GPM6A: variants seen among roughly 807,000 people sequenced by gnomAD.
GPM6A encodes neuronal membrane glycoprotein M6-a.
Under a neutral mutation model 32.1 loss-of-function variants are expected in GPM6A, and 7 were observed. The observed-to-expected ratio is 0.22, with a 90% CI of 0.12 to 0.41. GPM6A has a LOEUF of 0.41. Ranked by LOEUF, GPM6A falls within the 10% of genes least tolerant of loss-of-function variation. GPM6A has a pLI of 1.00. For missense variants in GPM6A, 235 were observed against 347.2 expected (o/e 0.68, Z 2.57); for synonymous variants, 130 against 123.4 (o/e 1.05, Z -0.35).
At chr4:175,708,965 T>C (rs185794184) in intron 1 of GPM6A, among the ~76,000 whole-genome samples, 336 of 152,284 alleles carry the variant, frequency 2.2e-3, no homozygotes, top group African/African-American at 7.6e-3. Flanking sequence ...TCCACTTGTG[T>C]ACTTTATGGG....
intron 1 of GPM6A, among the ~76,000 whole-genome samples, chr4:175,730,354 T>C (rs1731363056): frequency 6.6e-6 from 1 of 152,098 alleles, no homozygotes; most frequent in South Asian, 2.1e-4. Flanking sequence ...GCAATTCGCC[T>C]GCCTCAGCCT....
At chr4:175,835,087 T>C (rs974346878) in intron 1 of GPM6A, among the ~76,000 whole-genome samples, 2 of 152,176 alleles carry the variant, frequency 1.3e-5, no homozygotes, top group African/African-American at 4.8e-5. Context: ...CCAGATTATC[T>C]TGGGCGCTTG....
chr4:175,976,591 T>C lies in GPM6A; in HGVS notation c.-23+25718A>G, dbSNP rs368581866. 5.3e-5 allele frequency among the ~76,000 whole-genome samples: 8 copies of C among 152,190 alleles called. No individual in the cohort carries two copies. The East Asian group carries it at 9.6e-4, about 18-fold the overall frequency. ...GGTTCAGAACCAACGGTAGGGACCA[T>C]GCATACTCATTAAGTGAAGGTCTAC... On this transcript the variant is annotated intron_variant, in intron 1 of 7. Transcript: ENST00000280187.
intron 1 of GPM6A, among the ~76,000 whole-genome samples, chr4:175,859,166 G>A (rs1304929475): frequency 6.6e-6 from 1 of 152,106 alleles, no homozygotes; most frequent in Admixed American, 6.5e-5. Context: ...TGTGGTTATG[G>A]TTTCATGGAT....
At chr4:175,867,074 G>A (rs1262642317) in intron 1 of GPM6A, among the ~76,000 whole-genome samples, 1 of 152,102 alleles carries the variant, frequency 6.6e-6, no homozygotes, top group African/African-American at 2.4e-5. Context: ...GGTCTGTTAA[G>A]GTCTTTGGCC....
intron 1 of GPM6A, among the ~76,000 whole-genome samples, chr4:175,947,457 A>G (rs2126363565): frequency 6.6e-6 from 1 of 152,184 alleles, no homozygotes; most frequent in Non-Finnish European, 1.5e-5. Context: ...TAAGAATAAT[A>G]TTTATTAAGT....
intron 4 of GPM6A, among the ~76,000 whole-genome samples, chr4:175,644,483 A>G (rs1741341534): frequency 6.6e-6 from 1 of 151,704 alleles, no homozygotes; most frequent in Non-Finnish European, 1.5e-5. Context: ...TTTTTGTGAT[A>G]AGTATACCAT....
intron 1 of GPM6A, chr4:175,962,453 G>C: frequency 1.5e-6 from 1 of 666,894 alleles, no homozygotes; most frequent in African/African-American, 1.8e-5. Flanking sequence ...GGACAATAAG[G>C]CAACCTTTTT....
chr4:175,877,702 G>A (rs902400800), intron 1 of GPM6A, among the ~76,000 whole-genome samples: 1 of 152,082 alleles, frequency 6.6e-6, no homozygotes, highest in Admixed American at 6.5e-5. Context: ...GTGAGATTTG[G>A]GTGGGGACAC....
rs567660429 is a variant in GPM6A, at chr4:175,824,807, A to T, written c.-22-12558T>A. On this transcript the variant is annotated intron_variant, in intron 1 of 7. Transcript: ENST00000280187. ...TGAGAGTAAGTGGTATTTCTATTTT[A>T]CAGGGTATAAGTCTGAAATTTAGAC... 2.6e-5 allele frequency among the ~76,000 whole-genome samples: 4 copies of T among 152,278 alleles called. No homozygotes were observed. The South Asian group carries it at 8.3e-4, about 32-fold the overall frequency.
chr4:175,870,216 TAAA>T (rs1335392117), intron 1 of GPM6A, among the ~76,000 whole-genome samples: 1 of 152,196 alleles, frequency 6.6e-6, no homozygotes, highest in East Asian at 1.9e-4. Context: ...AACTTCACTT[TAAA>T]ATACAAGATC....
chr4:175,836,631 AG>A (rs1560957972), intron 1 of GPM6A, among the ~76,000 whole-genome samples: 2 of 152,212 alleles, frequency 1.3e-5, no homozygotes, highest in African/African-American at 4.8e-5. Flanking sequence ...CAGAATAAAA[AG>A]AACCAATGCA....
chr4:175,973,549 G>A (rs79431170), intron 1 of GPM6A, among the ~76,000 whole-genome samples: 5,374 of 152,208 alleles, frequency 0.035, 201 homozygotes, highest in African/African-American at 0.1. Flanking sequence ...GAGATCTTGG[G>A]ACAGGATGAA....
chr4:175,904,414 G>A (rs1008609990), intron 1 of GPM6A, among the ~76,000 whole-genome samples: 3 of 152,034 alleles, frequency 2.0e-5, no homozygotes, highest in Non-Finnish European at 2.9e-5. Context: ...ATGTACACAT[G>A]TGTCTACATA....
chr4:175,826,210 A>G (rs923862022), intron 1 of GPM6A, among the ~76,000 whole-genome samples: 2 of 152,040 alleles, frequency 1.3e-5, no homozygotes, highest in Non-Finnish European at 2.9e-5. Flanking sequence ...AGTCTCAAAA[A>G]CCATTGGCCA....
chr4:175,682,107 T>A (rs952715607), intron 2 of GPM6A, among the ~76,000 whole-genome samples: 1 of 151,574 alleles, frequency 6.6e-6, no homozygotes, highest in African/African-American at 2.4e-5. Context: ...GAGAAACTTA[T>A]AGGGCACTGG....
intron 3 of GPM6A, among the ~76,000 whole-genome samples, chr4:175,652,371 CAAT>C (rs1741858209): frequency 6.6e-6 from 1 of 152,058 alleles, no homozygotes; most frequent in African/African-American, 2.4e-5. Context: ...AAAAGTCTGT[CAAT>C]AAATTTCCAT....
chr4:175,894,341 T>C (rs986493865), intron 1 of GPM6A, among the ~76,000 whole-genome samples: 3 of 152,178 alleles, frequency 2.0e-5, no homozygotes, highest in African/African-American at 7.2e-5. Context: ...TATAGGAAGA[T>C]ACTTCTGTAT....
chr4:175,760,448 G>A (rs187214253), intron 1 of GPM6A, among the ~76,000 whole-genome samples: 1 of 152,122 alleles, frequency 6.6e-6, no homozygotes, highest in East Asian at 1.9e-4. Context: ...CAACAACCTT[G>A]GGGGACTATT....
Sources: gnomAD v4.1 joint callset for allele counts (sites outside exome capture counted in the v4.1 genomes callset) on GRCh38, gnomAD v4.1.1 for gene constraint, MANE v1.5 for transcripts, NCBI Gene and HGNC (gene_info 2026-07-23, HGNC 2026-07-21) for gene names.